Variants in MAD1L1 observed in about 807,000 individuals in gnomAD.
MAD1L1 encodes mitotic arrest deficient 1 like 1, also known as mitotic spindle assembly checkpoint protein MAD1.
MAD1L1 carries 95 observed loss-of-function variants against 96.9 expected under a neutral mutation model. The ratio of observed to expected loss-of-function variants is 0.98; its 90% confidence interval spans 0.83 to 1.16. The LOEUF (loss-of-function observed/expected upper bound fraction) is 1.16, where lower values mean the gene tolerates loss of function less well. Ranked by LOEUF, MAD1L1 falls within the 50% of genes most tolerant of loss-of-function variation. The pLI is 0.00. For missense variants in MAD1L1, 1,007 were observed against 954.4 expected (o/e 1.06, Z -0.73); for synonymous variants, 473 against 396.6 (o/e 1.19, Z -2.29).
intron 18 of MAD1L1, among the ~76,000 whole-genome samples, chr7:1,867,348 C>CT (rs1014467018): frequency 6.6e-6 from 1 of 152,124 alleles, no homozygotes; most frequent in South Asian, 2.1e-4. Flanking sequence ...GCAGGACCCC[C>CT]CCGGAAGATG....
rs1362166270 is a variant in MAD1L1, at chr7:2,114,764, C to A, written c.1073+34388G>T. ...CTCACAGCACGATGGCAGAGTTCAGCGTCTTCGACAGAGACCACCTGCCCG... is the reference window on the plus strand; with the variant it reads ...CTCACAGCACGATGGCAGAGTTCAGAGTCTTCGACAGAGACCACCTGCCCG... On this transcript the variant is annotated intron_variant, in intron 11 of 18. Coordinates refer to ENST00000265854, the MANE Select transcript of MAD1L1 (RefSeq NM_001013836.2). This position sits in a 1 kb window ranked among gnomAD's most constrained non-coding sequence, Gnocchi z 4.2. Among the ~76,000 whole-genome samples, 29 of 152,234 alleles carry A rather than the reference C, an allele frequency of 1.9e-4. No homozygotes were observed. Among genetic ancestry groups the A allele is most frequent in the Non-Finnish European group, 2.9e-5 (2 of 68,046 alleles).
At chr7:2,221,205 C>A (rs1369591973) in intron 5 of MAD1L1, among the ~76,000 whole-genome samples, 1 of 152,212 alleles carries the variant, frequency 6.6e-6, no homozygotes, top group African/African-American at 2.4e-5. Context: ...CTCCTCTGCC[C>A]CTCATGAAGT....
chr7:2,179,357 G>GTC (rs1030140309), intron 10 of MAD1L1, among the ~76,000 whole-genome samples: 1 of 151,496 alleles, frequency 6.6e-6, no homozygotes, highest in African/African-American at 2.4e-5. Context: ...GTAAAACCCC[G>GTC]TCTCTACTAA....
intron 18 of MAD1L1, among the ~76,000 whole-genome samples, chr7:1,875,183 C>T (rs1475502888): frequency 1.3e-5 from 2 of 152,228 alleles, no homozygotes; most frequent in African/African-American, 2.4e-5. Context: ...GCTTCTGACC[C>T]TTCAGACTCA....
chr7:2,109,848 T>C (rs1245560653), intron 11 of MAD1L1, among the ~76,000 whole-genome samples: 1 of 152,244 alleles, frequency 6.6e-6, no homozygotes, highest in Admixed American at 6.5e-5. Flanking sequence ...TCTTACAGGA[T>C]ACGCTAATTA....
At chr7:2,225,598 C>G (rs1361066153) in intron 3 of MAD1L1, 48 bp from the exon 4 acceptor site, 3 of 1,598,276 alleles carry the variant, frequency 1.9e-6, no homozygotes, top group Non-Finnish European at 2.6e-6. Context: ...GTGACGGCAT[C>G]AAACCAGGTG....
chr7:2,060,496 C>G (rs564622961), intron 12 of MAD1L1, among the ~76,000 whole-genome samples: 4 of 147,934 alleles, frequency 2.7e-5, no homozygotes, highest in South Asian at 4.4e-4. Context: ...GAGATAATGC[C>G]GAGACCGAGA....
intron 14 of MAD1L1, among the ~76,000 whole-genome samples, chr7:1,983,092 GCACA>G (rs200854960): frequency 2.6e-5 from 4 of 151,230 alleles, no homozygotes; most frequent in African/African-American, 7.3e-5. Flanking sequence ...GCGCGTGCAT[GCACA>G]CACACACACG....
chr7:2,121,379 G>A (rs557107865), intron 11 of MAD1L1, among the ~76,000 whole-genome samples: 1 of 152,340 alleles, frequency 6.6e-6, no homozygotes, highest in East Asian at 1.9e-4. Context: ...GGAGGCTGCG[G>A]ATACGCCACA....
chr7:2,040,077 A>G (rs1783607657), intron 12 of MAD1L1, among the ~76,000 whole-genome samples: 2 of 152,230 alleles, frequency 1.3e-5, no homozygotes. Flanking sequence ...TTGGGAGTGA[A>G]AGAGACACTA....
intron 18 of MAD1L1, chr7:1,845,561 CGGGG>C: frequency 1.4e-5 from 1 of 70,132 alleles, no homozygotes; most frequent in South Asian, 5.0e-4. Flanking sequence ...CTCTGGTTCA[CGGGG>C]AAGAGCGCTG....
chr7:2,075,939 C>T (rs1785352607), intron 11 of MAD1L1, among the ~76,000 whole-genome samples: 2 of 152,232 alleles, frequency 1.3e-5, no homozygotes, highest in South Asian at 4.1e-4. Context: ...CTGGACTCTC[C>T]CCAGAAACCA....
intron 10 of MAD1L1, among the ~76,000 whole-genome samples, chr7:2,165,617 G>C (rs1790390249): frequency 7.3e-6 from 1 of 137,208 alleles, no homozygotes; most frequent in South Asian, 2.3e-4. Context: ...TCTGCGCCGT[G>C]TTTCACTAAA....
intron 10 of MAD1L1, among the ~76,000 whole-genome samples, chr7:2,154,625 AAAATAAATAAATGGT>A: frequency 6.6e-6 from 1 of 152,370 alleles, no homozygotes; most frequent in South Asian, 2.1e-4. Flanking sequence ...ATTATGTATA[AAAATAAATAAATGGT>A]AAATAAATAA....
intron 10 of MAD1L1, among the ~76,000 whole-genome samples, chr7:2,194,689 C>T (rs979882504): frequency 2.0e-5 from 3 of 152,168 alleles, no homozygotes; most frequent in African/African-American, 7.2e-5. Flanking sequence ...CCATCCCAAC[C>T]TATCATAGGT....
At chr7:2,027,244 G>A (rs1482364886) in intron 12 of MAD1L1, among the ~76,000 whole-genome samples, 1 of 152,068 alleles carries the variant, frequency 6.6e-6, no homozygotes, top group African/African-American at 2.4e-5. Context: ...GAAACCCCTA[G>A]GCCCAGATGC....
At chr7:1,900,378 T>C (rs1359934581) in intron 17 of MAD1L1, among the ~76,000 whole-genome samples, 1 of 152,136 alleles carries the variant, frequency 6.6e-6, no homozygotes, top group Non-Finnish European at 1.5e-5. Context: ...CTGGCGCCCA[T>C]CCACCTGTGG....
chr7:2,037,061 CAGCAT>C (rs1221208739), intron 12 of MAD1L1, among the ~76,000 whole-genome samples: 2 of 152,194 alleles, frequency 1.3e-5, no homozygotes, highest in African/African-American at 4.8e-5. Flanking sequence ...GCTCCCCCCA[CAGCAT>C]GAGCTTCCAC....
intron 13 of MAD1L1, among the ~76,000 whole-genome samples, chr7:2,012,748 G>C (rs1782360007): frequency 6.6e-6 from 1 of 152,186 alleles, no homozygotes; most frequent in Non-Finnish European, 1.5e-5. Flanking sequence ...ATAGTTCCAG[G>C]GCCCTTCGGC....
Sources: gnomAD v4.1 joint callset for allele counts (sites outside exome capture counted in the v4.1 genomes callset) on GRCh38, gnomAD v4.1.1 for gene constraint, Gnocchi (gnomAD v3.1) non-coding constraint, MANE v1.5 for transcripts, NCBI Gene and HGNC (gene_info 2026-07-23, HGNC 2026-07-21) for gene names.